AGAP1: variants seen among roughly 807,000 people sequenced by gnomAD.
The protein encoded by AGAP1 is arf-GAP with GTPase, ANK repeat and PH domain-containing protein 1.
In AGAP1, 29 loss-of-function variants were observed where a neutral mutation model predicts 105.3. The ratio of observed to expected loss-of-function variants is 0.28; its 90% CI spans 0.21 to 0.38. AGAP1 has a LOEUF of 0.38. Among genes scored for constraint, AGAP1 ranks in the 10% least tolerant of loss-of-function variants. AGAP1 has a pLI of 1.00. For synonymous variants in AGAP1, 509 were observed against 485.9 expected (o/e 1.05, Z -0.63); for missense variants, 998 against 1,165.1 (o/e 0.86, Z 2.09).
rs1440145368 is a variant in AGAP1 at position 235,799,077 on chromosome 2, T to C, written c.802-290T>C. On this transcript the variant is annotated intron_variant, in intron 7 of 17. Coordinates refer to ENST00000304032, the MANE Select transcript of AGAP1 (RefSeq NM_001037131.3). This position sits in a 1 kb window ranked among gnomAD's most constrained non-coding sequence, Gnocchi z 5.0. The stretch of plus-strand genomic sequence containing the variant: ...TTTCATTTTCAGAGGAAAGAGAAAA[T>C]AATCAAATTTGAACTCTCAGAAATC... Among the ~76,000 whole-genome samples, 1 of 151,964 alleles carries C rather than the reference T, an allele frequency of 6.6e-6. No individual in the cohort carries two copies. The highest frequency in any genetic ancestry group is 1.5e-5 in the Non-Finnish European group (1 of 67,998).
chr2:235,520,606 C>T (rs564347797), intron 1 of AGAP1, among the ~76,000 whole-genome samples: 10 of 152,070 alleles, frequency 6.6e-5, no homozygotes, highest in Non-Finnish European at 8.8e-5. Flanking sequence ...CGTTAGCAGT[C>T]GGGACCAGTT....
chr2:235,776,673 A>G (rs554518582), intron 6 of AGAP1, among the ~76,000 whole-genome samples: 19 of 152,118 alleles, frequency 1.2e-4, no homozygotes, highest in Non-Finnish European at 2.4e-4. Context: ...CTATTCCCAG[A>G]GAGCCTCCTG....
At position 236,062,870 on chromosome 2, in the gene AGAP1, C is replaced by T. The variant is rs2058240268; in HGVS notation, c.2114+13589C>T. Among the ~76,000 whole-genome samples, 1 of 152,102 alleles carries T rather than the reference C, an allele frequency of 6.6e-6. No individual in the cohort carries two copies. The highest frequency in any genetic ancestry group is 2.4e-5 in the African/African-American group (1 of 41,402). ...AGAGATGGGGTTTCACCATCTTGGC[C>T]AGGCTGGTCTTGAACTCCTGACCTC... On this transcript the variant is annotated intron_variant, in intron 16 of 17. Transcript: ENST00000304032. The surrounding 1 kb of genome is among the most constrained non-coding windows in gnomAD (Gnocchi z 4.2).
At chr2:235,802,273 T>C (rs761253080) in intron 8 of AGAP1, among the ~76,000 whole-genome samples, 8 of 152,196 alleles carry the variant, frequency 5.3e-5, no homozygotes, top group Non-Finnish European at 8.8e-5. Flanking sequence ...CAGGCATCCA[T>C]GAAGAGGCCG....
chr2:235,899,150 G>A (rs1052372172), intron 10 of AGAP1, among the ~76,000 whole-genome samples: 2 of 152,170 alleles, frequency 1.3e-5, no homozygotes, highest in African/African-American at 4.8e-5. Context: ...TAGGTCTCAT[G>A]GCAGAAGACA....
In AGAP1 at chr2:236,124,294, C is replaced by T. The variant is rs2059969618; in HGVS notation, c.*172C>T. The T allele has an allele frequency of 3.1e-6, 2 of 644,722 alleles. No individual in the cohort carries two copies. The highest frequency in any genetic ancestry group is 4.8e-6 in the Non-Finnish European group (2 of 420,144). 39.9% of individuals were successfully genotyped at this position (644,722 alleles called of 1,614,324 possible). ...AACAAAATCACAAAACCTGGACATC[C>T]CTCAAGGGGCGAAGAGGCGGCCGGG... On this transcript the variant is annotated 3_prime_UTR_variant, in exon 18 of 18. Transcript: ENST00000304032. This position sits in a 1 kb window ranked among gnomAD's most constrained non-coding sequence, Gnocchi z 5.1.
rs551801083 is a variant in AGAP1 at position 235,553,399 on chromosome 2, A to G, written c.163+58550A>G. On this transcript the variant is annotated intron_variant, in intron 1 of 17. Transcript: ENST00000304032. The surrounding 1 kb of genome is among the most constrained non-coding windows in gnomAD (Gnocchi z 4.5). ...TTTTTAATAAAACATAGTTGTTTAC[A>G]TACTTCTCCTTTAATCCCACAGCTA... Among the ~76,000 whole-genome samples the G allele has an allele frequency of 3.3e-5, 5 of 152,274 alleles. No homozygotes were observed. The highest frequency in any genetic ancestry group is 3.9e-4 in the East Asian group (2 of 5,160).
rs1415406076 is a variant in AGAP1 at position 236,038,639 on chromosome 2, C to T, written c.1800+1924C>T. ...AGGGCATAAAACATGGAAATACTGT[C>T]CACAAGGAGTAGCGGGAGGCAAAAA... On this transcript the variant is annotated intron_variant, in intron 14 of 17. Transcript: ENST00000304032. This position sits in a 1 kb window ranked among gnomAD's most constrained non-coding sequence, Gnocchi z 4.5. 6.6e-6 allele frequency among the ~76,000 whole-genome samples: 1 copy of T among 152,180 alleles called. No individual in the cohort carries two copies. Among genetic ancestry groups the T allele is most frequent in the Non-Finnish European group, 1.5e-5 (1 of 68,054 alleles).
chr2:235,739,700 G>A lies in AGAP1; in HGVS notation c.311-1263G>A, dbSNP rs147398197. ...CAGGAGCTCGCGGGAACGGGCCAAC[G>A]CCCCACTGCCCCAGTCAGCCCTCTG... On this transcript the variant is annotated intron_variant, in intron 3 of 17. Transcript: ENST00000304032. The surrounding 1 kb of genome is among the most constrained non-coding windows in gnomAD (Gnocchi z 5.3). 5.9e-5 allele frequency among the ~76,000 whole-genome samples: 9 copies of A among 152,364 alleles called. No homozygotes were observed. Among genetic ancestry groups the A allele is most frequent in the Admixed American group, 1.3e-4 (2 of 15,298 alleles).
At position 235,550,375 on chromosome 2, in the gene AGAP1, G is replaced by C. The variant is rs1310467477; in HGVS notation, c.163+55526G>C. On this transcript the variant is annotated intron_variant, in intron 1 of 17. Coordinates refer to ENST00000304032, the MANE Select transcript of AGAP1 (RefSeq NM_001037131.3). This position sits in a 1 kb window ranked among gnomAD's most constrained non-coding sequence, Gnocchi z 4.6. ...TGAGCTCTTCATAAAATCACTGCCA[G>C]TGACTTCTCATAGCTGTTCGTCATT... 6.6e-6 allele frequency among the ~76,000 whole-genome samples: 1 copy of C among 152,226 alleles called. No individual in the cohort carries two copies. Among genetic ancestry groups the C allele is most frequent in the Non-Finnish European group, 1.5e-5 (1 of 68,036 alleles).
rs553793045 is a variant in AGAP1 at position 235,646,881 on chromosome 2, A to G, written c.164-62298A>G. The stretch of plus-strand genomic sequence containing the variant: ...CCGCGTGCGGTGGCTCACGCCTGTA[A>G]TCTCAGTACTTTGAGAGGCCGAGGC... On this transcript the variant is annotated intron_variant, in intron 1 of 17. Transcript: ENST00000304032. Among the ~76,000 whole-genome samples, 8 of 152,274 alleles carry G rather than the reference A, an allele frequency of 5.3e-5. No individual in the cohort carries two copies. In the East Asian group the frequency reaches 1.4e-3, roughly 26 times the overall value.
intron 1 of AGAP1, among the ~76,000 whole-genome samples, chr2:235,571,975 T>TACACACACAC (rs371181654): frequency 3.7e-4 from 29 of 79,026 alleles, no homozygotes; most frequent in African/African-American, 1.4e-3. Context: ...TATATATGTA[T>TACACACACAC]ACACACACAC....
rs2049196870 is a variant in AGAP1, at chr2:235,866,906, C to T, written c.1051-16439C>T. Among the ~76,000 whole-genome samples the T allele has an allele frequency of 6.6e-6, 1 of 152,206 alleles. No homozygotes were observed. Among genetic ancestry groups the T allele is most frequent in the Admixed American group, 6.5e-5 (1 of 15,288 alleles). Reference sequence around the variant, plus strand: ...CAGCCTTATTTTAACATAATTTGCTCTGTAAAGGCCCTGACTCCAAATAGA... The same window carrying T: ...CAGCCTTATTTTAACATAATTTGCTTTGTAAAGGCCCTGACTCCAAATAGA... On this transcript the variant is annotated intron_variant, in intron 9 of 17. Transcript: ENST00000304032. The surrounding 1 kb of genome is among the most constrained non-coding windows in gnomAD (Gnocchi z 6.1).
chr2:235,906,940 C>T lies in AGAP1; in HGVS notation c.1156-1798C>T, dbSNP rs570606273. Among the ~76,000 whole-genome samples the T allele has an allele frequency of 2.0e-4, 30 of 152,304 alleles. No homozygotes were observed. Among genetic ancestry groups the T allele is most frequent in the Admixed American group, 1.5e-3 (23 of 15,300 alleles). On this transcript the variant is annotated intron_variant, in intron 10 of 17. Coordinates refer to ENST00000304032, the MANE Select transcript of AGAP1 (RefSeq NM_001037131.3). This position sits in a 1 kb window ranked among gnomAD's most constrained non-coding sequence, Gnocchi z 5.3. ...CTGAGGCAGGAGAATCTCTTGAATCCGGAAGGCAGAGGTTACAGTGAGCTG... is the reference window on the plus strand; with the variant it reads ...CTGAGGCAGGAGAATCTCTTGAATCTGGAAGGCAGAGGTTACAGTGAGCTG...
chr2:235,789,611 G>T lies in AGAP1; in HGVS notation c.674-8148G>T, dbSNP rs79518638. ...TAACCACAGCCTATTTTAGATTAGA[G>T]GGTTGTTTGCTCAAAAAAAAAATAC... On this transcript the variant is annotated intron_variant, in intron 6 of 17. Transcript: ENST00000304032. This position sits in a 1 kb window ranked among gnomAD's most constrained non-coding sequence, Gnocchi z 4.2. 6.6e-6 allele frequency among the ~76,000 whole-genome samples: 1 copy of T among 151,628 alleles called. No individual in the cohort carries two copies. The highest frequency in any genetic ancestry group is 2.4e-5 in the African/African-American group (1 of 41,056).
chr2:235,628,603 A>G (rs950680778), intron 1 of AGAP1, among the ~76,000 whole-genome samples: 2 of 151,656 alleles, frequency 1.3e-5, no homozygotes, highest in African/African-American at 4.8e-5. Flanking sequence ...TCTGGAAAGA[A>G]GGGGGAGCCA....
At chr2:235,827,421 T>C (rs1959131946) in intron 9 of AGAP1, among the ~76,000 whole-genome samples, 1 of 152,190 alleles carries the variant, frequency 6.6e-6, no homozygotes, top group Non-Finnish European at 1.5e-5. Flanking sequence ...AGGTGATGAA[T>C]ATTTCTACTT....
chr2:235,952,443 A>C (rs2053777508), intron 12 of AGAP1, among the ~76,000 whole-genome samples: 1 of 152,166 alleles, frequency 6.6e-6, no homozygotes, highest in African/African-American at 2.4e-5. Flanking sequence ...TTATACTGTT[A>C]AAAGGTTATC....
At chr2:235,998,139 TAGA>T (rs1284456717) in intron 13 of AGAP1, among the ~76,000 whole-genome samples, 4 of 152,208 alleles carry the variant, frequency 2.6e-5, no homozygotes, top group Admixed American at 2.6e-4. Context: ...CATCATTTCA[TAGA>T]AGAAGACTGC....
Sources: allele counts gnomAD v4.1 joint callset (sites outside exome capture counted in the v4.1 genomes callset), GRCh38; gene constraint gnomAD v4.1.1; non-coding constraint Gnocchi (gnomAD v3.1); transcripts MANE v1.5; gene names NCBI Gene and HGNC (gene_info 2026-07-23, HGNC 2026-07-21).